The following LGSN variants were observed in gnomAD, a reference collection of about 807,000 sequenced individuals.
LGSN encodes the protein lengsin, lens protein with glutamine synthetase domain.
In LGSN, 21 loss-of-function variants were observed where a neutral mutation model predicts 19.5. The observed-to-expected ratio is 1.07, with a 90% CI of 0.76 to 1.55. The LOEUF (loss-of-function observed/expected upper bound fraction) is 1.55, where lower values mean the gene tolerates loss of function less well. Ranked by LOEUF, LGSN falls within the 40% of genes most tolerant of loss-of-function variation. LGSN has a pLI of 0.00. For synonymous variants in LGSN, 257 were observed against 215.6 expected (o/e 1.19, Z -1.68); for missense variants, 673 against 608.5 (o/e 1.11, Z -1.12).
chr6:63,534,468 C>CAA, the LGSN span, among the ~76,000 whole-genome samples: 1 of 151,504 alleles, frequency 6.6e-6, no homozygotes, highest in Non-Finnish European at 1.5e-5. Flanking sequence ...CACACACACA[C>CAA]ACACACACAC....
the LGSN span, among the ~76,000 whole-genome samples, chr6:63,424,976 T>C: frequency 1.8e-5 from 2 of 113,944 alleles, no homozygotes; most frequent in African/African-American, 5.4e-5. Flanking sequence ...CCAGAATGGA[T>C]AAAAGACATA....
Position 63,280,569 on chromosome 6 carries a change from A to T in LGSN, c.982T>A (p.Phe328Ile). The T allele has an allele frequency of 6.2e-7, 1 of 1,614,132 alleles. No homozygotes were observed. The highest frequency in any genetic ancestry group is 8.5e-7 in the Non-Finnish European group (1 of 1,180,038). The change falls in exon 4 of 4, where the codon TTC (phenylalanine) becomes ATC (isoleucine). Residue 328 changes from phenylalanine (F) to isoleucine (I), a missense_variant. Phe to Ile is a conservative substitution (Grantham distance 21, BLOSUM62 0). Coordinates refer to ENST00000370657, the MANE Select transcript of LGSN (RefSeq NM_016571.3). The stretch of plus-strand genomic sequence containing the variant: ...TGCTCAGTTCCAGAAGTGCTGCAGA[A>T]CATGTTTTTCTTCCTATCGACATCC... Reference protein sequence around the residue: ...LWDVDRKKNMFCSTSGTEQLT... With the variant: ...LWDVDRKKNMICSTSGTEQLT...
chr6:63,495,912 CTTGTA>C, the LGSN span, among the ~76,000 whole-genome samples: 2 of 151,814 alleles, frequency 1.3e-5, no homozygotes, highest in African/African-American at 4.8e-5. Context: ...TTAGACTCCT[CTTGTA>C]TTAATTAATT....
At chr6:63,495,992 T>C in the LGSN span, among the ~76,000 whole-genome samples, 1 of 151,708 alleles carries the variant, frequency 6.6e-6, no homozygotes, top group Non-Finnish European at 1.5e-5. Flanking sequence ...AGTGGTGTGA[T>C]CTTGGCTTAC....
At chr6:63,537,119 T>C in the LGSN span, among the ~76,000 whole-genome samples, 2 of 152,296 alleles carry the variant, frequency 1.3e-5, no homozygotes, top group South Asian at 4.1e-4. Flanking sequence ...GGATTCATGA[T>C]GATAAAGTGA....
At chr6:63,299,229 T>C (rs980208133) in intron 1 of LGSN, among the ~76,000 whole-genome samples, 1 of 152,228 alleles carries the variant, frequency 6.6e-6, no homozygotes, top group African/African-American at 2.4e-5. Flanking sequence ...TTTTGAAACA[T>C]ATCTGTAAAG....
At chr6:63,375,082 T>G in the LGSN span, among the ~76,000 whole-genome samples, 18,527 of 152,254 alleles carry the variant, frequency 0.12, 2,476 homozygotes, top group African/African-American at 0.34. Flanking sequence ...ATGTCATTGT[T>G]GATTTTCCGG....
the LGSN span, among the ~76,000 whole-genome samples, chr6:63,460,319 T>C: frequency 6.6e-6 from 1 of 151,992 alleles, no homozygotes; most frequent in Non-Finnish European, 1.5e-5. Context: ...TTTAGCTTTA[T>C]TGTCTTCCTT....
chr6:63,286,606 A>G (rs1187393196), intron 2 of LGSN, among the ~76,000 whole-genome samples: 1 of 152,216 alleles, frequency 6.6e-6, no homozygotes, highest in Non-Finnish European at 1.5e-5. Context: ...CTTTTGATTC[A>G]TGCTGGGTGG....
chr6:63,370,429 C>T, the LGSN span, among the ~76,000 whole-genome samples: 2,601 of 152,320 alleles, frequency 0.017, 71 homozygotes, highest in African/African-American at 0.059. Flanking sequence ...GGCAGTTACA[C>T]GGTCATGCAG....
the LGSN span, among the ~76,000 whole-genome samples, chr6:63,367,180 C>T: frequency 2.6e-4 from 40 of 152,306 alleles, no homozygotes; most frequent in Middle Eastern, 3.4e-3. Context: ...AAAATTTTTA[C>T]AATCTACTCA....
Position 63,280,817 on chromosome 6 carries a change from TCAA to T in LGSN, c.731_733del (p.Val244del), listed in dbSNP as rs1370229932. ...ATTGGCTCCAGTGTGATACAAGCCA[TCAA>T]CAAGTTCCTGCATGAAGGGCTGATC... On this transcript the variant is annotated inframe_deletion, in exon 4 of 4. Transcript: ENST00000370657. 6.2e-7 allele frequency: 1 copy of T among 1,614,050 alleles called. No homozygotes were observed. The highest frequency in any genetic ancestry group is 1.3e-5 in the African/African-American group (1 of 75,024).
the LGSN span, among the ~76,000 whole-genome samples, chr6:63,364,089 A>C: frequency 6.6e-6 from 1 of 152,166 alleles, no homozygotes. Context: ...TATTAACCTT[A>C]AATGTAAATG....
chr6:63,561,182 T>G, the LGSN span, among the ~76,000 whole-genome samples: 14 of 152,314 alleles, frequency 9.2e-5, no homozygotes, highest in South Asian at 2.1e-4. Flanking sequence ...CAGGGACTCT[T>G]GCAGTTAAGC....
At chr6:63,469,393 A>G in the LGSN span, among the ~76,000 whole-genome samples, 3 of 152,224 alleles carry the variant, frequency 2.0e-5, no homozygotes, top group Non-Finnish European at 4.4e-5. Flanking sequence ...CAAGTCAGAT[A>G]TTGGAAGGCA....
At chr6:63,305,006 T>C (rs982911772) in intron 1 of LGSN, among the ~76,000 whole-genome samples, 5 of 152,178 alleles carry the variant, frequency 3.3e-5, no homozygotes, top group African/African-American at 1.2e-4. Flanking sequence ...AACAAAATTA[T>C]GGAAGACCAT....
At chr6:63,291,419 G>A (rs1242240792) in intron 2 of LGSN, among the ~76,000 whole-genome samples, 4 of 152,144 alleles carry the variant, frequency 2.6e-5, no homozygotes, top group Non-Finnish European at 5.9e-5. Context: ...GATGGTTGGG[G>A]AGCAGGAAAT....
the LGSN span, among the ~76,000 whole-genome samples, chr6:63,411,736 A>G: frequency 6.6e-6 from 1 of 151,926 alleles, no homozygotes; most frequent in Non-Finnish European, 1.5e-5. Flanking sequence ...GCTACTCAGG[A>G]TGTTGAAGCA....
At chr6:63,356,413 G>A in the LGSN span, among the ~76,000 whole-genome samples, 4 of 152,006 alleles carry the variant, frequency 2.6e-5, no homozygotes, top group Middle Eastern at 3.4e-3. Flanking sequence ...GTGGTGGCTC[G>A]TGCCTGTGAT....
Sources: allele counts gnomAD v4.1 joint callset (sites outside exome capture counted in the v4.1 genomes callset), GRCh38; gene constraint gnomAD v4.1.1; transcripts MANE v1.5; gene names NCBI Gene and HGNC (gene_info 2026-07-23, HGNC 2026-07-21).